The following VAV3 variants were observed in gnomAD, a reference collection of about 807,000 sequenced individuals.
VAV3 encodes guanine nucleotide exchange factor VAV3.
A neutral mutation model predicts 131.2 loss-of-function variants in VAV3; 94 were observed. The observed-to-expected ratio is 0.72, with a 90% confidence interval of 0.61 to 0.85. The LOEUF (loss-of-function observed/expected upper bound fraction) is 0.85. Ranked by LOEUF, VAV3 falls within the 40% of genes least tolerant of loss-of-function variation. VAV3 has a pLI of 0.00. For synonymous variants in VAV3, 349 were observed against 342.0 expected (o/e 1.02, Z -0.22); for missense variants, 939 against 1,002.7 (o/e 0.94, Z 0.86).
intron 4 of VAV3, among the ~76,000 whole-genome samples, chr1:107,774,096 T>C (rs1665201488): frequency 6.6e-6 from 1 of 152,206 alleles, no homozygotes; most frequent in South Asian, 2.1e-4. Context: ...GGACAGAGTC[T>C]CACTCTGTTG....
intron 19 of VAV3, among the ~76,000 whole-genome samples, chr1:107,662,964 T>C (rs1488742512): frequency 6.6e-6 from 1 of 152,214 alleles, no homozygotes; most frequent in Non-Finnish European, 1.5e-5. Flanking sequence ...CAGGCTGGTC[T>C]TGTCCTCCTG....
intron 1 of VAV3, among the ~76,000 whole-genome samples, chr1:107,941,512 C>T (rs535259103): frequency 6.6e-6 from 1 of 152,226 alleles, no homozygotes; most frequent in Non-Finnish European, 1.5e-5. Flanking sequence ...GGCCAACATC[C>T]TTCGGGGCCT....
At chr1:107,904,146 C>A (rs1401337260) in intron 1 of VAV3, among the ~76,000 whole-genome samples, 2 of 152,166 alleles carry the variant, frequency 1.3e-5, no homozygotes, top group East Asian at 3.9e-4. Flanking sequence ...CCACTCAGGG[C>A]CACTACGTAG....
At chr1:107,884,158 A>G (rs1002970612) in intron 1 of VAV3, among the ~76,000 whole-genome samples, 1 of 151,824 alleles carries the variant, frequency 6.6e-6, no homozygotes, top group Non-Finnish European at 1.5e-5. Context: ...AAAAAAAGTT[A>G]AAAAGAATAA....
At chr1:107,807,380 C>T (rs1348145835) in intron 2 of VAV3, among the ~76,000 whole-genome samples, 2 of 152,190 alleles carry the variant, frequency 1.3e-5, no homozygotes, top group Non-Finnish European at 2.9e-5. Flanking sequence ...TATTACTCCC[C>T]ACATTAAAAG....
intron 20 of VAV3, among the ~76,000 whole-genome samples, chr1:107,634,499 G>A (rs540007405): frequency 6.6e-6 from 1 of 152,194 alleles, no homozygotes; most frequent in East Asian, 1.9e-4. Flanking sequence ...TTACATGTTA[G>A]ACCTAAAACC....
intron 19 of VAV3, among the ~76,000 whole-genome samples, chr1:107,682,557 C>G (rs1387000103): frequency 6.6e-6 from 1 of 151,916 alleles, no homozygotes; most frequent in Non-Finnish European, 1.5e-5. Flanking sequence ...TCTCAGGACA[C>G]AAGTGAGGCA....
intron 4 of VAV3, among the ~76,000 whole-genome samples, chr1:107,776,489 ATCAG>A (rs1195320697): frequency 6.6e-6 from 1 of 152,212 alleles, no homozygotes; most frequent in Non-Finnish European, 1.5e-5. Context: ...ACGCTGAGGG[ATCAG>A]TCAAACAGGC....
At chr1:107,739,392 A>G (rs1193201829) in intron 15 of VAV3, among the ~76,000 whole-genome samples, 1 of 152,160 alleles carries the variant, frequency 6.6e-6, no homozygotes, top group Non-Finnish European at 1.5e-5. Context: ...TATTGCTGCC[A>G]GTATAGTTCC....
intron 15 of VAV3, among the ~76,000 whole-genome samples, chr1:107,748,032 TGTTA>T (rs887489498): frequency 1.3e-5 from 2 of 152,158 alleles, no homozygotes; most frequent in African/African-American, 4.8e-5. Flanking sequence ...TCTCTTAAAA[TGTTA>T]GATAAAATAA....
At chr1:107,761,185 C>A (rs1422984538) in intron 9 of VAV3, among the ~76,000 whole-genome samples, 1 of 152,036 alleles carries the variant, frequency 6.6e-6, no homozygotes, top group African/African-American at 2.4e-5. Context: ...GTCAGGAGAT[C>A]AAGACCATCC....
chr1:107,824,192 G>C (rs1414368356), intron 2 of VAV3, among the ~76,000 whole-genome samples: 1 of 152,122 alleles, frequency 6.6e-6, no homozygotes, highest in Non-Finnish European at 1.5e-5. Flanking sequence ...ATTGTAATGT[G>C]GTGATGGGAA....
chr1:107,674,474 C>T (rs1658049620), intron 19 of VAV3, among the ~76,000 whole-genome samples: 1 of 152,178 alleles, frequency 6.6e-6, no homozygotes, highest in Non-Finnish European at 1.5e-5. Context: ...CACTAATGAA[C>T]TCTGAAAATC....
intron 1 of VAV3, among the ~76,000 whole-genome samples, chr1:107,881,907 C>T (rs1218921740): frequency 6.6e-6 from 1 of 152,174 alleles, no homozygotes; most frequent in African/African-American, 2.4e-5. Flanking sequence ...TGCTAAAGTT[C>T]ACTACAAAAC....
intron 7 of VAV3, 71 bp from the exon 8 acceptor site, chr1:107,766,621 C>T: frequency 8.7e-7 from 1 of 1,150,488 alleles, no homozygotes; most frequent in Non-Finnish European, 1.3e-6. Context: ...ACCCAGAATC[C>T]TTTTAGTTGC....
intron 1 of VAV3, among the ~76,000 whole-genome samples, chr1:107,962,226 A>G (rs961365470): frequency 2.0e-5 from 3 of 152,232 alleles, no homozygotes; most frequent in African/African-American, 7.2e-5. Flanking sequence ...TGACATCTCT[A>G]ACTCCAGGGG....
chr1:107,614,164 T>C (rs1652962539), intron 21 of VAV3, among the ~76,000 whole-genome samples: 1 of 152,072 alleles, frequency 6.6e-6, no homozygotes, highest in Non-Finnish European at 1.5e-5. Context: ...TACCCAAGTT[T>C]GCATTGTGCT....
Position 107,598,394 on chromosome 1 carries a change from C to A in VAV3, c.2221-2053G>T, listed in dbSNP as rs555315163. On this transcript the variant is annotated intron_variant, in intron 24 of 26. Transcript: ENST00000370056. ...AACAAAACACCAAAAAACACACACA[C>A]AAAAAACAGGGAGGCAAAAGTGAAA... Among the ~76,000 whole-genome samples the A allele has an allele frequency of 5.9e-5, 9 of 152,094 alleles. No homozygotes were observed. In the South Asian group the frequency reaches 6.2e-4, roughly 11 times the overall value.
chr1:107,629,617 G>GA (rs1557716239), intron 20 of VAV3, among the ~76,000 whole-genome samples: 1 of 151,528 alleles, frequency 6.6e-6, no homozygotes, highest in African/African-American at 2.4e-5. Context: ...GGAAGAGGAA[G>GA]AAAAAAAGAA....
Sources: gnomAD v4.1 joint callset for allele counts (sites outside exome capture counted in the v4.1 genomes callset) on GRCh38, gnomAD v4.1.1 for gene constraint, MANE v1.5 for transcripts, NCBI Gene and HGNC (gene_info 2026-07-23, HGNC 2026-07-21) for gene names.